The following CACNA1F variants were observed in gnomAD, a reference collection of about 807,000 sequenced individuals.
CACNA1F encodes the protein voltage-dependent L-type calcium channel subunit alpha-1F.
A neutral mutation model predicts 143.8 loss-of-function variants in CACNA1F; 59 were observed. The observed-to-expected ratio is 0.41, with a 90% CI of 0.33 to 0.51. The LOEUF is 0.51. Ranked by LOEUF, CACNA1F falls within the 20% of genes least tolerant of loss-of-function variation. The probability of loss-of-function intolerance (pLI) is 0.22; values close to 1 mark genes in which losing one functional copy is unlikely to be tolerated. For synonymous variants in CACNA1F, 643 were observed against 649.1 expected (o/e 0.99, Z 0.14); for missense variants, 1,411 against 1,647.5 (o/e 0.86, Z 2.48).
intron 2 of CACNA1F, 152 bp from the exon 3 acceptor site, chrX:49,231,459 C>T (rs2065878099): frequency 1.6e-6 from 1 of 609,626 alleles, no homozygotes; most frequent in Non-Finnish European, 2.7e-6. Flanking sequence ...GACTTTGTCC[C>T]TCCTGGAAAC....
In CACNA1F at chrX:49,205,692, G is replaced by C. The variant is rs1477304708; in HGVS notation, c.5594C>G (p.Thr1865Ser). The change falls in exon 47 of 48, where the codon ACC becomes AGC. Residue 1865 changes from threonine to serine, a missense_variant. This residue lies in a region of CACNA1F where 349 missense variants were observed against 350.2 expected (regional missense o/e 1.00). Transcript: ENST00000323022. ...GTGGGTTCCAGGCACGTGCAGACAG[G>C]TGAAGGTGCGCAGTGGGCCACTGGA... ...GRSSGPLRTF[T>S]CLHVPGTHSD... 1.7e-6 allele frequency: 2 copies of C among 1,203,130 alleles called. No individual in the cohort carries two copies. Among genetic ancestry groups the C allele is most frequent in the East Asian group, 6.0e-5 (2 of 33,488 alleles).
chrX:49,207,050 G>A lies in CACNA1F; in HGVS notation c.5186C>T (p.Thr1729Ile). The A allele has an allele frequency of 8.3e-7, 1 of 1,203,896 alleles. No homozygotes were observed. Among genetic ancestry groups the A allele is most frequent in the South Asian group, 1.8e-5 (1 of 55,740 alleles). ...CTCATCTTGCTTGTTTTGCCCTTTG[G>A]TTCCCTTGGGCTGAGAATTTCCTTC... ...PEEGNSQPKG[T>I]KGQNKQDEDE... is the part of the protein sequence containing the mutation. Residue 1729 changes from threonine to isoleucine, a missense_variant, in exon 44 of 48, where the codon ACC becomes ATC. By Grantham distance (89) the Thr-to-Ile change is moderately conservative. Around this residue, in one of 3 missense-constraint regions of CACNA1F, gnomAD observed 349 missense variants for 350.2 expected, o/e 1.00. Transcript: ENST00000323022.
chrX:49,219,795 C>G lies in CACNA1F; in HGVS notation c.2387-5G>C, dbSNP rs782095452. 1.9e-6 allele frequency: 2 copies of G among 1,069,416 alleles called. No individual in the cohort carries two copies. Among genetic ancestry groups the G allele is most frequent in the South Asian group, 2.0e-5 (1 of 50,679 alleles). 88.1% of individuals were successfully genotyped at this position (1,069,416 alleles called of 1,213,427 possible). A position where few individuals can be genotyped will look rare whatever the true frequency, so the allele number is the denominator to read the frequency against. Reference sequence around the variant, plus strand: ...CCTCCTCCTCCTCCTCCATGTCTGGCACCAGAGAAAAGCAAAAAAAAATTA... The same window carrying G: ...CCTCCTCCTCCTCCTCCATGTCTGGGACCAGAGAAAAGCAAAAAAAAATTA... On this transcript the variant is annotated splice_region_variant and splice_polypyrimidine_tract_variant and intron_variant, in intron 19 of 47. Coordinates refer to ENST00000323022, the MANE Select transcript of CACNA1F (RefSeq NM_001256789.3).
Position 49,228,109 on chromosome X carries a change from A to C in CACNA1F, c.1045T>G (p.Trp349Gly). Residue 349 changes from tryptophan to glycine, a missense_variant, in exon 8 of 48, where the codon TGG (tryptophan) becomes GGG (glycine). By Grantham distance (184) the Trp-to-Gly change is radical. This residue lies in a region of CACNA1F where 950 missense variants were observed against 1,128.1 expected (regional missense o/e 0.84). Coordinates refer to ENST00000323022, the MANE Select transcript of CACNA1F (RefSeq NM_001256789.3). Reference protein sequence around the residue: ...MQDAMGYELPWVYFVSLVIFG... With the variant: ...MQDAMGYELPGVYFVSLVIFG... Reference sequence around the variant, plus strand: ...ATGACAAGGCTCACAAAGTACACCCAGGGCAGTTCATACCCCATGGCATCT... The same window carrying C: ...ATGACAAGGCTCACAAAGTACACCCCGGGCAGTTCATACCCCATGGCATCT... 1 of 1,209,985 alleles carries C rather than the reference A, an allele frequency of 8.3e-7. No homozygotes were observed. The highest frequency in any genetic ancestry group is 1.1e-6 in the Non-Finnish European group (1 of 893,885).
chrX:49,219,175 G>T, intron 21 of CACNA1F, 146 bp downstream of exon 21: 2 of 635,221 alleles, frequency 3.1e-6, no homozygotes, highest in Non-Finnish European at 5.1e-6. Flanking sequence ...TGCCGTAAAG[G>T]CTGGCATTGC....
In CACNA1F at chrX:49,222,590, G is replaced by C; in HGVS notation, c.2220C>G (p.Asn740Lys). ...LFICGNYILL[N>K]VFLAIAVDNL... is the part of the protein sequence containing the mutation. Reference sequence around the variant, plus strand: ...TGTCCACAGCAATGGCAAGAAACACGTTCAACAGGATGTCTGGGATGAGCT... The same window carrying C: ...TGTCCACAGCAATGGCAAGAAACACCTTCAACAGGATGTCTGGGATGAGCT... Residue 740 changes from asparagine (N) to lysine (K), a missense_variant, in exon 17 of 48, where the codon AAC becomes AAG. Physicochemically the swap from Asn to Lys is moderately conservative, Grantham distance 94 (BLOSUM62 0). Transcript: ENST00000323022. 8.3e-7 allele frequency: 1 copy of C among 1,210,691 alleles called. No individual in the cohort carries two copies. The highest frequency in any genetic ancestry group is 3.0e-5 in the East Asian group (1 of 33,833).
intron 21 of CACNA1F, 114 bp downstream of exon 21, chrX:49,219,207 C>T: frequency 1.2e-6 from 1 of 823,544 alleles, no homozygotes; most frequent in South Asian, 2.2e-5. Context: ...TAATGAGCCC[C>T]TCTCTCGGCT....
chrX:49,210,524 C>T (rs1238755150), intron 38 of CACNA1F, 66 bp downstream of exon 38: 1 of 1,070,412 alleles, frequency 9.3e-7, no homozygotes, highest in Non-Finnish European at 1.3e-6. Flanking sequence ...AAGGCAGATC[C>T]CTTCCCACCC....
intron 14 of CACNA1F, among the ~76,000 whole-genome samples, chrX:49,223,574 C>G (rs1286361043): frequency 7.4e-5 from 5 of 67,778 alleles, no homozygotes; most frequent in African/African-American, 1.2e-4. Context: ...CCAGCCTGGG[C>G]GATAGACAGA....
At position 49,224,812 on chromosome X, in the gene CACNA1F, C is replaced by T; in HGVS notation, c.1826G>A (p.Gly609Asp). Residue 609 changes from glycine to aspartate, a missense_variant, in exon 14 of 48, where the codon GGC (glycine) becomes GAC (aspartate). Gly to Asp is a moderately conservative substitution (Grantham distance 94, BLOSUM62 -1). Coordinates refer to ENST00000323022, the MANE Select transcript of CACNA1F (RefSeq NM_001256789.3). ...LVEVGAMQPLGISVLRCVRLL... is the reference protein window; with the variant it reads ...LVEVGAMQPLDISVLRCVRLL... Reference sequence around the variant, plus strand: ...GCGCACACATCGGAGCACTGAGATGCCCAAGGGCTGCATGGCACCCACCTC... The same window carrying T: ...GCGCACACATCGGAGCACTGAGATGTCCAAGGGCTGCATGGCACCCACCTC... 1 of 1,196,744 alleles carries T rather than the reference C, an allele frequency of 8.4e-7. No individual in the cohort carries two copies. Among genetic ancestry groups the T allele is most frequent in the Non-Finnish European group, 1.1e-6 (1 of 887,068 alleles).
chrX:49,212,442 G>T, intron 33 of CACNA1F, 134 bp from the exon 34 acceptor site: 1 of 610,475 alleles, frequency 1.6e-6, no homozygotes, highest in Non-Finnish European at 2.7e-6. Flanking sequence ...GCCAAGGACT[G>T]TGGTGTCTCT....
chrX:49,227,217 T>G, intron 8 of CACNA1F, 90 bp from the exon 9 acceptor site: 1 of 724,196 alleles, frequency 1.4e-6, no homozygotes, highest in Non-Finnish European at 2.1e-6. Flanking sequence ...CTAGCTACTC[T>G]TTGAATATGC....
In CACNA1F at chrX:49,226,415, C is replaced by T. The variant is rs377163402; in HGVS notation, c.1457G>A (p.Arg486His). 1.1e-5 allele frequency: 13 copies of T among 1,181,258 alleles called. No homozygotes were observed. The highest frequency in any genetic ancestry group is 1.8e-5 in the African/African-American group (1 of 56,593). The stretch of plus-strand genomic sequence containing the variant: ...AGGGGCTGGGGGCCCTCACAGGCAG[C>T]GTGTACAGCTGGCCAGAGCCCCCTC... ...EEEGALASCT[R>H]CLNKIMKTRV... Residue 486 changes from arginine (R) to histidine (H), a missense_variant, in exon 11 of 48, where the codon CGC becomes CAC. Arg to His is a conservative substitution (Grantham distance 29). Around this residue, in one of 3 missense-constraint regions of CACNA1F, gnomAD observed 950 missense variants for 1,128.1 expected, o/e 0.84. Coordinates refer to ENST00000323022, the MANE Select transcript of CACNA1F (RefSeq NM_001256789.3).
chrX:49,228,476 G>C (rs909382005), intron 6 of CACNA1F, 29 bp from the exon 7 acceptor site: 1 of 1,135,316 alleles, frequency 8.8e-7, no homozygotes, highest in Admixed American at 2.4e-5. Flanking sequence ...TTGGGGCTTC[G>C]AAGCAGGCCC....
At chrX:49,213,064 G>A in intron 31 of CACNA1F, 70 bp from the exon 32 acceptor site, 1 of 932,900 alleles carries the variant, frequency 1.1e-6, no homozygotes, top group East Asian at 3.2e-5. Flanking sequence ...AATGAACAAG[G>A]TGAGATATGA....
At chrX:49,219,109 C>T (rs1391968249) in intron 21 of CACNA1F, among the ~76,000 whole-genome samples, 168 bp from the exon 22 acceptor site, 1 of 111,670 alleles carries the variant, frequency 9.0e-6, no homozygotes, top group Non-Finnish European at 1.9e-5. Flanking sequence ...CTGAGCACAG[C>T]TTCCTCCTCA....
At chrX:49,210,943 G>A (rs1557106072) in intron 37 of CACNA1F, 22 bp downstream of exon 37, 1 of 1,197,493 alleles carries the variant, frequency 8.4e-7, no homozygotes, top group Non-Finnish European at 1.1e-6. Context: ...CTGGATTCTA[G>A]GTAAGGGTAT....
At chrX:49,206,472 T>TCCAGACC (rs782789468) in intron 46 of CACNA1F, 39 bp downstream of exon 46, 9 of 853,574 alleles carry the variant, frequency 1.1e-5, no homozygotes, top group South Asian at 6.0e-5. Context: ...CCCCCATCTC[T>TCCAGACC]CCAGACCCCA....
At position 49,208,644 on chromosome X, in the gene CACNA1F, C is replaced by T. The variant is rs1557105478; in HGVS notation, c.4994G>A (p.Gly1665Glu). 8.3e-7 allele frequency: 1 copy of T among 1,210,558 alleles called. No individual in the cohort carries two copies. The highest frequency in any genetic ancestry group is 2.2e-5 in the Admixed American group (1 of 45,899). Reference sequence around the variant, plus strand: ...CCCGACAGGCAGAGACACAGAAATCCCGGAGCCCCGGCGAGCTGAGGGCTG... The same window carrying T: ...CCCGACAGGCAGAGACACAGAAATCTCGGAGCCCCGGCGAGCTGAGGGCTG... ...VSQPSARRGS[G>E]ISVSLPVGDR... The change falls in exon 43 of 48, where the codon GGG (glycine) becomes GAG (glutamate). Residue 1665 changes from glycine to glutamate, a missense_variant. By Grantham distance (98) the Gly-to-Glu change is moderately conservative (BLOSUM62 -2). Coordinates refer to ENST00000323022, the MANE Select transcript of CACNA1F (RefSeq NM_001256789.3).
Sources: allele counts gnomAD v4.1 joint callset (sites outside exome capture counted in the v4.1 genomes callset), GRCh38; gene constraint gnomAD v4.1.1; regional missense constraint gnomAD v4.1.1; transcripts MANE v1.5; gene names NCBI Gene and HGNC (gene_info 2026-07-23, HGNC 2026-07-21).